Variants in INPP4B observed in about 807,000 individuals in gnomAD.
The protein encoded by INPP4B is inositol polyphosphate 4-phosphatase type II.
Under a neutral mutation model 122.5 loss-of-function variants are expected in INPP4B, and 55 were observed. That is an observed-to-expected ratio of 0.45 (90% CI 0.36 to 0.56). The LOEUF (loss-of-function observed/expected upper bound fraction) is 0.56. Ranked by LOEUF, INPP4B falls within the 20% of genes least tolerant of loss-of-function variation. The probability of loss-of-function intolerance (pLI) is 0.00; values close to 1 mark genes in which losing one functional copy is unlikely to be tolerated. For missense variants in INPP4B, 1,000 were observed against 1,097.7 expected, an observed-to-expected ratio of 0.91 and a Z score of 1.26; for synonymous variants, 403 against 388.7, an observed-to-expected ratio of 1.04 and a Z score of -0.43.
At position 142,633,317 on chromosome 4, in the gene INPP4B, A is replaced by G. The variant is rs187173246; in HGVS notation, c.-191+92522T>C. On this transcript the variant is annotated intron_variant, in intron 2 of 25. Transcript: ENST00000262992. Reference sequence around the variant, plus strand: ...TTTGAAATTTTAACACAGCCTTCTAACTATAAAAAACAAATAGACCAAATA... The same window carrying G: ...TTTGAAATTTTAACACAGCCTTCTAGCTATAAAAAACAAATAGACCAAATA... 4.5e-4 allele frequency among the ~76,000 whole-genome samples: 69 copies of G among 152,280 alleles called. No homozygotes were observed. In the East Asian group the frequency reaches 0.013, roughly 28 times the overall value.
intron 21 of INPP4B, among the ~76,000 whole-genome samples, chr4:142,119,818 CACACACATACACATATATATACAT>C (rs1403443700): frequency 4.4e-5 from 2 of 45,922 alleles, no homozygotes; most frequent in Non-Finnish European, 8.7e-5. Flanking sequence ...CACACACACA[CACACACATACACATATATATACAT>C]ATATACGTAT....
chr4:142,764,872 G>C (rs1441005333), intron 1 of INPP4B, among the ~76,000 whole-genome samples: 1 of 152,044 alleles, frequency 6.6e-6, no homozygotes, highest in Non-Finnish European at 1.5e-5. Context: ...ATGAGGCTAA[G>C]ACGTTCGCTT....
At chr4:142,316,946 T>C (rs1011171933) in intron 7 of INPP4B, among the ~76,000 whole-genome samples, 2 of 152,180 alleles carry the variant, frequency 1.3e-5, no homozygotes, top group African/African-American at 4.8e-5. Flanking sequence ...TGTTGAGACT[T>C]CAGAGGCTAG....
intron 2 of INPP4B, among the ~76,000 whole-genome samples, chr4:142,667,387 C>T (rs1008421919): frequency 2.0e-5 from 3 of 152,128 alleles, no homozygotes; most frequent in Non-Finnish European, 2.9e-5. Context: ...GAATATGGCT[C>T]CATAAAGTGC....
At chr4:142,634,606 T>G (rs1176251670) in intron 2 of INPP4B, among the ~76,000 whole-genome samples, 1 of 152,156 alleles carries the variant, frequency 6.6e-6, no homozygotes, top group East Asian at 1.9e-4. Flanking sequence ...CCATATATAT[T>G]AAAACATTTA....
chr4:142,773,227 A>G (rs1003455807), intron 1 of INPP4B, among the ~76,000 whole-genome samples: 2 of 152,134 alleles, frequency 1.3e-5, no homozygotes, highest in Non-Finnish European at 2.9e-5. Context: ...AATAAATAAT[A>G]TTAGCAAAAA....
chr4:142,145,521 A>G (rs1448909912), intron 18 of INPP4B, among the ~76,000 whole-genome samples: 1 of 152,110 alleles, frequency 6.6e-6, no homozygotes, highest in Non-Finnish European at 1.5e-5. Flanking sequence ...ATGCTTATTT[A>G]TCTTTCTAAT....
rs767728826 is a variant in INPP4B, at chr4:142,484,464, T to C, written c.-190-21738A>G. On this transcript the variant is annotated intron_variant, in intron 2 of 25. Transcript: ENST00000262992. ...CAGAAACCATCCTGTAAGACTTCCATTGGCAATGAAACACTAGAATTAGAA... is the reference window on the plus strand; with the variant it reads ...CAGAAACCATCCTGTAAGACTTCCACTGGCAATGAAACACTAGAATTAGAA... 5.3e-5 allele frequency among the ~76,000 whole-genome samples: 8 copies of C among 152,176 alleles called. No homozygotes were observed. The East Asian group carries it at 1.2e-3, about 22-fold the overall frequency.
chr4:142,691,037 T>C (rs577510481), intron 2 of INPP4B, among the ~76,000 whole-genome samples: 8 of 152,292 alleles, frequency 5.3e-5, no homozygotes, highest in African/African-American at 1.9e-4. Flanking sequence ...CCAGCTGACC[T>C]GCAGAACTTG....
chr4:142,405,630 T>G (rs1251360395), intron 5 of INPP4B, among the ~76,000 whole-genome samples: 1 of 152,156 alleles, frequency 6.6e-6, no homozygotes, highest in African/African-American at 2.4e-5. Context: ...GTGACTTTAA[T>G]TAGCCATTAA....
At chr4:142,739,099 G>T (rs2150910677) in intron 1 of INPP4B, among the ~76,000 whole-genome samples, 1 of 152,054 alleles carries the variant, frequency 6.6e-6, no homozygotes, top group African/African-American at 2.4e-5. Context: ...CCCTCAAAGA[G>T]AAATATCCCT....
chr4:142,822,148 G>A (rs550850649), intron 1 of INPP4B, among the ~76,000 whole-genome samples: 11 of 152,218 alleles, frequency 7.2e-5, no homozygotes, highest in African/African-American at 2.4e-4. Flanking sequence ...TGGGAAGTTT[G>A]GCTGGAATAA....
chr4:142,456,256 G>A (rs1306058024), intron 3 of INPP4B, among the ~76,000 whole-genome samples: 1 of 151,914 alleles, frequency 6.6e-6, no homozygotes, highest in African/African-American at 2.4e-5. Context: ...TTTTCCTAAT[G>A]TTTTCTTGTA....
chr4:142,631,662 A>G (rs571621396), intron 2 of INPP4B, among the ~76,000 whole-genome samples: 1 of 152,278 alleles, frequency 6.6e-6, no homozygotes, highest in South Asian at 2.1e-4. Context: ...ACAGAAAATT[A>G]AAGATGAAGA....
intron 25 of INPP4B, among the ~76,000 whole-genome samples, chr4:142,035,456 T>C (rs941847662): frequency 1.3e-5 from 2 of 152,178 alleles, no homozygotes; most frequent in African/African-American, 4.8e-5. Flanking sequence ...TAGATAAAGA[T>C]ACTATTCACC....
At chr4:142,814,175 G>C (rs1389762684) in intron 1 of INPP4B, among the ~76,000 whole-genome samples, 1 of 152,156 alleles carries the variant, frequency 6.6e-6, no homozygotes, top group Non-Finnish European at 1.5e-5. Flanking sequence ...GCAGGTAACA[G>C]GGAAAAGGAG....
At chr4:142,299,826 C>T (rs930178600) in intron 9 of INPP4B, among the ~76,000 whole-genome samples, 1 of 150,926 alleles carries the variant, frequency 6.6e-6, no homozygotes, top group Non-Finnish European at 1.5e-5. Flanking sequence ...AACTGGAAGA[C>T]TATTAAAAGA....
intron 2 of INPP4B, among the ~76,000 whole-genome samples, chr4:142,479,938 G>T (rs528573151): frequency 6.6e-6 from 1 of 152,186 alleles, no homozygotes; most frequent in Admixed American, 6.5e-5. Flanking sequence ...CACTGCGCAT[G>T]TACCCCTGAA....
intron 2 of INPP4B, among the ~76,000 whole-genome samples, chr4:142,501,240 C>T (rs1026995538): frequency 5.3e-5 from 8 of 152,134 alleles, no homozygotes; most frequent in African/African-American, 9.7e-5. Context: ...AATACGGAAG[C>T]CAGCGCCCTT....
Sources: gnomAD v4.1 joint callset for allele counts (sites outside exome capture counted in the v4.1 genomes callset) on GRCh38, gnomAD v4.1.1 for gene constraint, MANE v1.5 for transcripts, NCBI Gene and HGNC (gene_info 2026-07-23, HGNC 2026-07-21) for gene names.